KHDRBS2: variants seen among roughly 807,000 people sequenced by gnomAD.
KHDRBS2 encodes the protein KH domain-containing, RNA-binding, signal transduction-associated protein 2.
In KHDRBS2, 26 loss-of-function variants were observed where a neutral mutation model predicts 44.3. That is an observed-to-expected ratio of 0.59 (90% CI 0.43 to 0.81). The LOEUF is 0.81. Ranked by LOEUF, KHDRBS2 falls within the 40% of genes least tolerant of loss-of-function variation. The pLI, the probability that KHDRBS2 is intolerant of heterozygous loss-of-function variation, is 0.00. For missense variants in KHDRBS2, 476 were observed against 433.1 expected (o/e 1.10, Z -0.88); for synonymous variants, 194 against 151.1 (o/e 1.28, Z -2.08).
chr6:61,648,063 T>A, the KHDRBS2 span, among the ~76,000 whole-genome samples: 2 of 152,146 alleles, frequency 1.3e-5, no homozygotes, highest in Non-Finnish European at 2.9e-5. Flanking sequence ...GAATAGAAAA[T>A]CATCTCAGAT....
chr6:62,074,030 G>T (rs1795845142), intron 2 of KHDRBS2, among the ~76,000 whole-genome samples: 1 of 151,870 alleles, frequency 6.6e-6, no homozygotes, highest in Non-Finnish European at 1.5e-5. Context: ...TCAACTCAGA[G>T]AGTTGATAAG....
chr6:62,028,100 C>A (rs1223691327), intron 3 of KHDRBS2, among the ~76,000 whole-genome samples: 1 of 151,952 alleles, frequency 6.6e-6, no homozygotes. Context: ...TAACTTCAGG[C>A]AGTTAGTATC....
At chr6:61,551,582 G>GTACCCA in the KHDRBS2 span, among the ~76,000 whole-genome samples, 1 of 152,068 alleles carries the variant, frequency 6.6e-6, no homozygotes. Context: ...TTCTGCATAT[G>GTACCCA]GCTAGCCAGT....
the KHDRBS2 span, among the ~76,000 whole-genome samples, chr6:61,558,268 A>G: frequency 6.6e-6 from 1 of 152,150 alleles, no homozygotes; most frequent in Admixed American, 6.6e-5. Flanking sequence ...GCTTATAGCC[A>G]TAAACTTCCT....
At chr6:61,918,498 C>T (rs1562440665) in intron 4 of KHDRBS2, among the ~76,000 whole-genome samples, 1 of 151,862 alleles carries the variant, frequency 6.6e-6, no homozygotes, top group Non-Finnish European at 1.5e-5. Flanking sequence ...TACACCAAAA[C>T]ATACTCTCTC....
rs1835523376 is a variant in KHDRBS2 at position 62,246,123 on chromosome 6, T to C, written c.91+39735A>G. ...AATTTTATATATATATATATATATATATATATATATATAATCAATGTTAAA... is the reference window on the plus strand; with the variant it reads ...AATTTTATATATATATATATATATACATATATATATATAATCAATGTTAAA... On this transcript the variant is annotated intron_variant, in intron 1 of 8. Transcript: ENST00000281156. 3.4e-5 allele frequency among the ~76,000 whole-genome samples: 5 copies of C among 146,064 alleles called. No individual in the cohort carries two copies. The Admixed American group carries it at 3.5e-4, about 10-fold the overall frequency.
chr6:61,925,205 T>C (rs1808734047), intron 4 of KHDRBS2, among the ~76,000 whole-genome samples: 1 of 152,162 alleles, frequency 6.6e-6, no homozygotes, highest in South Asian at 2.1e-4. Context: ...AGTTATGTAC[T>C]GTGTGCTGCA....
At chr6:62,134,602 T>C (rs1811085310) in intron 2 of KHDRBS2, among the ~76,000 whole-genome samples, 1 of 152,058 alleles carries the variant, frequency 6.6e-6, no homozygotes, top group Non-Finnish European at 1.5e-5. Flanking sequence ...CAGCTTGCAC[T>C]GTGTACCTGG....
chr6:62,243,169 C>T (rs976958667), intron 1 of KHDRBS2, among the ~76,000 whole-genome samples: 1 of 151,860 alleles, frequency 6.6e-6, no homozygotes, highest in Admixed American at 6.6e-5. Flanking sequence ...TATATATATA[C>T]ACACACTACA....
the KHDRBS2 span, among the ~76,000 whole-genome samples, chr6:61,556,633 G>A: frequency 4.6e-5 from 7 of 151,806 alleles, no homozygotes; most frequent in South Asian, 2.1e-4. Flanking sequence ...CTTACAGCAT[G>A]GTGTTTTTCT....
intron 2 of KHDRBS2, among the ~76,000 whole-genome samples, chr6:62,171,802 C>G (rs187554245): frequency 6.6e-6 from 1 of 152,108 alleles, no homozygotes; most frequent in African/African-American, 2.4e-5. Flanking sequence ...TAAACTACAA[C>G]CAATAATTTC....
chr6:61,694,701 G>T (rs1486698582), intron 8 of KHDRBS2, among the ~76,000 whole-genome samples: 1 of 152,166 alleles, frequency 6.6e-6, no homozygotes, highest in African/African-American at 2.4e-5. Flanking sequence ...GACAGCCTGG[G>T]ATTTGGATGC....
the KHDRBS2 span, among the ~76,000 whole-genome samples, chr6:61,592,188 CAA>C: frequency 4.1e-5 from 5 of 122,270 alleles, no homozygotes; most frequent in African/African-American, 9.1e-5. Context: ...AAGATCCCAC[CAA>C]AAAAAAAAAA....
At chr6:61,595,458 G>A in the KHDRBS2 span, among the ~76,000 whole-genome samples, 42 of 151,886 alleles carry the variant, frequency 2.8e-4, no homozygotes, top group Non-Finnish European at 4.4e-4. Flanking sequence ...TTTTTTCTTC[G>A]CTGAGAAACA....
chr6:62,087,203 C>T (rs1165509760), intron 2 of KHDRBS2, among the ~76,000 whole-genome samples: 1 of 152,036 alleles, frequency 6.6e-6, no homozygotes, highest in Non-Finnish European at 1.5e-5. Context: ...ATCCATATAA[C>T]ATTCCACAAA....
chr6:61,954,304 T>C (rs1369340594), intron 4 of KHDRBS2, among the ~76,000 whole-genome samples: 3 of 151,478 alleles, frequency 2.0e-5, no homozygotes, highest in East Asian at 1.9e-4. Flanking sequence ...TACACATATA[T>C]ATACATATAC....
At chr6:62,001,916 A>C (rs1778308611) in intron 3 of KHDRBS2, among the ~76,000 whole-genome samples, 3 of 152,110 alleles carry the variant, frequency 2.0e-5, no homozygotes. Flanking sequence ...TTACTGAAAG[A>C]AGGTTATTTG....
rs536699422 is a variant in KHDRBS2, at chr6:62,050,142, A to G, written c.220-2148T>C. 9.3e-4 allele frequency among the ~76,000 whole-genome samples: 141 copies of G among 152,214 alleles called. 2 individuals carry two copies. The South Asian group carries it at 0.01, about 11-fold the overall frequency. ...AAAAGGATGAGTTCATGCCCTTTTC[A>G]GGGACATGGTTGAAGCTGGAAACCA... On this transcript the variant is annotated intron_variant, in intron 2 of 8. Coordinates refer to ENST00000281156, the MANE Select transcript of KHDRBS2 (RefSeq NM_152688.4).
intron 6 of KHDRBS2, among the ~76,000 whole-genome samples, chr6:61,823,086 A>G (rs1790225931): frequency 6.6e-6 from 1 of 151,852 alleles, no homozygotes. Flanking sequence ...ATTCTAGCTG[A>G]TAGGTGTTGG....
Sources: allele counts gnomAD v4.1 joint callset (sites outside exome capture counted in the v4.1 genomes callset), GRCh38; gene constraint gnomAD v4.1.1; transcripts MANE v1.5; gene names NCBI Gene and HGNC (gene_info 2026-07-23, HGNC 2026-07-21).